Variants in ZKSCAN1 observed in about 807,000 individuals in gnomAD.
ZKSCAN1 encodes the protein zinc finger protein with KRAB and SCAN domains 1.
ZKSCAN1 carries 14 observed loss-of-function variants against 51.6 expected under a neutral mutation model. The ratio of observed to expected loss-of-function variants is 0.27; its 90% CI spans 0.18 to 0.42. ZKSCAN1 has a LOEUF of 0.42. Among genes scored for constraint, ZKSCAN1 ranks in the 10% least tolerant of loss-of-function variants. ZKSCAN1 has a pLI of 1.00. For missense variants in ZKSCAN1, 531 were observed against 710.0 expected, an observed-to-expected ratio of 0.75 and a Z score of 2.86; for synonymous variants, 263 against 261.5, an observed-to-expected ratio of 1.01 and a Z score of -0.06.
Position 100,021,224 on chromosome 7 carries a change from G to A in ZKSCAN1, c.-88-2195G>A, listed in dbSNP as rs1304462377. ...CAACCTCAGCCTCCTGGGTTCAAGC[G>A]ATTCTCCTGCCTCAGTCTCCCAAAT... On this transcript the variant is annotated intron_variant, in intron 1 of 5. Transcript: ENST00000324306. Among the ~76,000 whole-genome samples, 5 of 145,372 alleles carry A rather than the reference G, an allele frequency of 3.4e-5. No homozygotes were observed. The East Asian group carries it at 6.6e-4, about 19-fold the overall frequency.
chr7:100,031,942 G>A (rs538803567), intron 5 of ZKSCAN1, among the ~76,000 whole-genome samples: 1 of 152,288 alleles, frequency 6.6e-6, no homozygotes, highest in African/African-American at 2.4e-5. Flanking sequence ...AGCCAGGCGG[G>A]GTGGTGCAGG....
At chr7:100,030,768 A>G (rs1431154823) in intron 5 of ZKSCAN1, among the ~76,000 whole-genome samples, 1 of 151,956 alleles carries the variant, frequency 6.6e-6, no homozygotes, top group African/African-American at 2.4e-5. Context: ...TCTAATCCCA[A>G]CCCATTGTCC....
chr7:100,041,602 A>G lies in ZKSCAN1; in HGVS notation c.*7405A>G. ...ATGTTAAGAGTAGTGAGGTTGAGGA[A>G]GGAAATTGTGGGGATTTGAAATATT... On this transcript the variant is annotated 3_prime_UTR_variant, in exon 6 of 6. Transcript: ENST00000324306. 1 of 985,406 alleles carries G rather than the reference A, an allele frequency of 1.0e-6. No homozygotes were observed. Among genetic ancestry groups the G allele is most frequent in the Non-Finnish European group, 1.2e-6 (1 of 829,920 alleles). The allele number at this position is 985,406 out of a possible 1,614,324, so 61.0% of individuals were successfully genotyped here.
rs1791410355 is a variant in ZKSCAN1 at position 100,037,387 on chromosome 7, C to A, written c.*3190C>A. 3.0e-6 allele frequency: 3 copies of A among 985,242 alleles called. No homozygotes were observed. The highest frequency in any genetic ancestry group is 9.4e-5 in the South Asian group (2 of 21,280). The allele number at this position is 985,242 out of a possible 1,614,324, so 61.0% of individuals were successfully genotyped here. The stretch of plus-strand genomic sequence containing the variant: ...AGGCAAGGCTAAAACCTGAGATTAT[C>A]GATCTATGAGACATCTTGATATGTA... On this transcript the variant is annotated 3_prime_UTR_variant, in exon 6 of 6. Coordinates refer to ENST00000324306, the MANE Select transcript of ZKSCAN1 (RefSeq NM_003439.4).
rs374622016 is a variant in ZKSCAN1 at position 100,029,903 on chromosome 7, G to A, written c.623G>A (p.Ser208Asn). ...AHIPAPPHEG[S>N]PRDQAMASAL... The stretch of plus-strand genomic sequence containing the variant: ...ATTCCTGCACCCCCTCATGAGGGTA[G>A]TCCCAGAGACCAGGCGATGGCATCT... The change falls in exon 4 of 6, where the codon AGT becomes AAT. Residue 208 changes from serine (S) to asparagine (N), a missense_variant. By Grantham distance (46) the Ser-to-Asn change is conservative (BLOSUM62 1). Coordinates refer to ENST00000324306, the MANE Select transcript of ZKSCAN1 (RefSeq NM_003439.4). 2 of 1,614,142 alleles carry A rather than the reference G, an allele frequency of 1.2e-6. No individual in the cohort carries two copies. The highest frequency in any genetic ancestry group is 1.3e-5 in the African/African-American group (1 of 75,024).
At chr7:100,029,776 G>A (rs1034719063) in intron 3 of ZKSCAN1, 85 bp from the exon 4 acceptor site, 5 of 1,271,666 alleles carry the variant, frequency 3.9e-6, no homozygotes, top group South Asian at 3.9e-5. Context: ...ACATGCTGGT[G>A]CAGGAAGGAA....
downstream of ZKSCAN1, among the ~76,000 whole-genome samples, chr7:100,043,442 C>T (rs148545459): frequency 4.4e-4 from 67 of 152,176 alleles, no homozygotes; most frequent in African/African-American, 1.5e-3. Flanking sequence ...TGCAGTGGCA[C>T]GATTGTGGCT....
rs937626262 is a variant in ZKSCAN1 at position 100,039,974 on chromosome 7, CATAG to C, written c.*5780_*5783del. ...GGCATTATTTGAAAAGTTTTTCTAA[CATAG>C]ATTTAGGGTTTTTTTTTTTAGAGTG... is the stretch of plus-strand genomic sequence containing the variant. On this transcript the variant is annotated 3_prime_UTR_variant, in exon 6 of 6. Coordinates refer to ENST00000324306, the MANE Select transcript of ZKSCAN1 (RefSeq NM_003439.4). The C allele has an allele frequency of 1.2e-5, 11 of 949,732 alleles. No individual in the cohort carries two copies. In the African/African-American group the frequency reaches 1.8e-4, roughly 15 times the overall value. The allele number at this position is 949,732 out of a possible 1,614,324, so 58.8% of individuals were successfully genotyped here. A position where few individuals can be genotyped will look rare whatever the true frequency, so the allele number is the denominator to read the frequency against.
chr7:100,044,921 T>A, downstream of ZKSCAN1: 7 of 985,336 alleles, frequency 7.1e-6, no homozygotes, highest in Non-Finnish European at 8.4e-6. Context: ...TACCCTCTGC[T>A]GGCCAGCTGA....
intron 5 of ZKSCAN1, among the ~76,000 whole-genome samples, chr7:100,031,731 G>A (rs1791114248): frequency 6.6e-6 from 1 of 152,056 alleles, no homozygotes. Context: ...TCTCCTTGTT[G>A]GATAGAAACT....
downstream of ZKSCAN1, among the ~76,000 whole-genome samples, chr7:100,042,318 CAAAA>C (rs34258466): frequency 4.4e-3 from 194 of 43,658 alleles, 1 homozygote; most frequent in African/African-American, 0.014. Context: ...GACTTTGTCT[CAAAA>C]AAAAAAAAAA....
chr7:100,023,716 C>G lies in ZKSCAN1; in HGVS notation c.210C>G (p.Pro70=), dbSNP rs1790691943. ...TCTGTTACCAGAACACTTTTGGGCC[C>G]CGAGAGGCTCTCAGTCGGCTGAAGG... ...RRFCYQNTFG[P]REALSRLKEL... Residue 70 remains proline (P), a synonymous_variant, in exon 2 of 6, where the codon CCC becomes CCG. Transcript: ENST00000324306. The G allele has an allele frequency of 6.2e-7, 1 of 1,614,068 alleles. No homozygotes were observed. Among genetic ancestry groups the G allele is most frequent in the Admixed American group, 1.7e-5 (1 of 59,998 alleles).
chr7:100,036,970 T>G lies in ZKSCAN1; in HGVS notation c.*2773T>G. The G allele has an allele frequency of 1.0e-6, 1 of 985,380 alleles. No homozygotes were observed. The highest frequency in any genetic ancestry group is 1.2e-6 in the Non-Finnish European group (1 of 829,916). The allele number at this position is 985,380 out of a possible 1,614,324, so 61.0% of individuals were successfully genotyped here. A position where few individuals can be genotyped will look rare whatever the true frequency, so the allele number is the denominator to read the frequency against. ...GTTTCATGGAGACATCTTCCTGACT[T>G]TGTTGGATAGCTGCCACTAGGGTTG... On this transcript the variant is annotated 3_prime_UTR_variant, in exon 6 of 6. Coordinates refer to ENST00000324306, the MANE Select transcript of ZKSCAN1 (RefSeq NM_003439.4).
chr7:100,019,345 T>A (rs1218738984), intron 1 of ZKSCAN1: 1 of 152,198 alleles, frequency 6.6e-6, no homozygotes, highest in South Asian at 2.1e-4. Context: ...TAGCTGAGAT[T>A]ACAGGTATGT....
Position 100,037,807 on chromosome 7 carries a change from G to A in ZKSCAN1, c.*3610G>A. 3 of 835,360 alleles carry A rather than the reference G, an allele frequency of 3.6e-6. No individual in the cohort carries two copies. The highest frequency in any genetic ancestry group is 4.3e-6 in the Non-Finnish European group (3 of 693,630). The allele number at this position is 835,360 out of a possible 1,614,324, so 51.7% of individuals were successfully genotyped here. ...CCGAGGCAGGCGGATCACGAGGTCAGTAGTTCGAGACCAGCCTGGCCAACA... is the reference window on the plus strand; with the variant it reads ...CCGAGGCAGGCGGATCACGAGGTCAATAGTTCGAGACCAGCCTGGCCAACA... On this transcript the variant is annotated 3_prime_UTR_variant, in exon 6 of 6. Coordinates refer to ENST00000324306, the MANE Select transcript of ZKSCAN1 (RefSeq NM_003439.4).
At chr7:100,019,931 G>C (rs1277407064) in intron 1 of ZKSCAN1, among the ~76,000 whole-genome samples, 1 of 151,900 alleles carries the variant, frequency 6.6e-6, no homozygotes, top group East Asian at 1.9e-4. Flanking sequence ...TCGAACTCCT[G>C]ACCTCAGGTT....
chr7:100,016,091 T>C (rs1790348318), intron 1 of ZKSCAN1, among the ~76,000 whole-genome samples: 1 of 152,164 alleles, frequency 6.6e-6, no homozygotes, highest in Admixed American at 6.5e-5. Context: ...TTTTCTGCTC[T>C]CCCTTAGTCG....
chr7:100,031,374 C>A (rs1461903372), intron 5 of ZKSCAN1, among the ~76,000 whole-genome samples: 1 of 148,844 alleles, frequency 6.7e-6, no homozygotes, highest in Non-Finnish European at 1.5e-5. Flanking sequence ...ACCTCTCAGG[C>A]TCAAGCAATC....
intron 5 of ZKSCAN1, among the ~76,000 whole-genome samples, chr7:100,030,958 C>G (rs1791080146): frequency 6.6e-6 from 1 of 152,172 alleles, no homozygotes; most frequent in African/African-American, 2.4e-5. Context: ...CTATGAAGAG[C>G]TCTGGGTCCT....
Sources: allele counts gnomAD v4.1 joint callset (sites outside exome capture counted in the v4.1 genomes callset), GRCh38; gene constraint gnomAD v4.1.1; transcripts MANE v1.5; gene names NCBI Gene and HGNC (gene_info 2026-07-23, HGNC 2026-07-21).